SYNE1: variants seen among roughly 807,000 people sequenced by gnomAD.
SYNE1 encodes nesprin-1.
SYNE1 carries 616 observed loss-of-function variants against 1,111.0 expected under a neutral mutation model. That is an observed-to-expected ratio of 0.55 (90% CI 0.52 to 0.59). SYNE1 has a LOEUF of 0.59. Among genes scored for constraint, SYNE1 ranks in the 20% least tolerant of loss-of-function variants. The pLI, the probability that SYNE1 is intolerant of heterozygous loss-of-function variation, is 0.00. For missense variants in SYNE1, 10,006 were observed against 10,417.0 expected (o/e 0.96, Z 1.72); for synonymous variants, 3,855 against 3,825.8 (o/e 1.01, Z -0.28).
chr6:152,550,408 A>G (rs759569016), intron 3 of SYNE1, among the ~76,000 whole-genome samples: 1 of 152,130 alleles, frequency 6.6e-6, no homozygotes, highest in Non-Finnish European at 1.5e-5. Flanking sequence ...AAAATATTAC[A>G]ATTTACCAAA....
At chr6:152,492,792 T>C (rs1388689745) in intron 11 of SYNE1, among the ~76,000 whole-genome samples, 1 of 152,168 alleles carries the variant, frequency 6.6e-6, no homozygotes, top group Non-Finnish European at 1.5e-5. Context: ...ATACGGAGGC[T>C]ACCCACTCCA....
intron 12 of SYNE1, among the ~76,000 whole-genome samples, chr6:152,486,208 A>AT (rs879697226): frequency 1.0e-4 from 10 of 97,428 alleles, no homozygotes; most frequent in South Asian, 4.0e-4. Context: ...TAAAAAAAAT[A>AT]TTAAAAAAAA....
At chr6:152,145,762 C>T (rs568493713) in intron 137 of SYNE1, 26 of 534,964 alleles carry the variant, frequency 4.9e-5, no homozygotes, top group East Asian at 4.1e-4. Flanking sequence ...TGGTGGCTCA[C>T]GCCTGTAATC....
chr6:152,390,405 G>A lies in SYNE1; in HGVS notation c.8052C>T (p.Ala2684=). The A allele has an allele frequency of 6.2e-7, 1 of 1,614,050 alleles. No individual in the cohort carries two copies. The highest frequency in any genetic ancestry group is 8.5e-7 in the Non-Finnish European group (1 of 1,180,006). The change falls in exon 53 of 146, where the codon GCC becomes GCT. Residue 2684 remains alanine (A), a synonymous_variant. Transcript: ENST00000367255. ...TCAAGGCCTGTTCCCCCTTGCCAAT[G>A]GCCATATTCAACTTAACTTCCCCTT... ...KGEGEVKLNM[A]IGKGEQALRS... is the part of the protein sequence containing the mutation.
Position 152,148,230 on chromosome 6 carries a change from G to A in SYNE1, c.24791C>T (p.Pro8264Leu), listed in dbSNP as rs547256411. 3 of 1,613,936 alleles carry A rather than the reference G, an allele frequency of 1.9e-6. No individual in the cohort carries two copies. In the African/African-American group the frequency reaches 4.0e-5, roughly 22 times the overall value. ...TCGTCCTGACCGCTCGCTCCGGAGG[G>A]GCTGAGCGAGCGAGAGGGAGAGATT... ...SSNLSLSLAQ[P>L]LRSERSGRDT... is the part of the protein sequence containing the mutation. Residue 8264 changes from proline (P) to leucine (L), a missense_variant, in exon 137 of 146, where the codon CCC becomes CTC. Coordinates refer to ENST00000367255, the MANE Select transcript of SYNE1 (RefSeq NM_182961.4). The surrounding 1 kb of genome is among the most constrained non-coding windows in gnomAD (Gnocchi z 4.1).
At chr6:152,427,476 A>C in intron 38 of SYNE1, 1 of 615,160 alleles carries the variant, frequency 1.6e-6, no homozygotes, top group Admixed American at 2.9e-5. Flanking sequence ...ACATCATGGA[A>C]ATTGATCATC....
chr6:152,606,901 G>T (rs1169784555), intron 3 of SYNE1, among the ~76,000 whole-genome samples: 1 of 150,978 alleles, frequency 6.6e-6, no homozygotes, highest in African/African-American at 2.4e-5. Context: ...TGATCCACCT[G>T]CCTTGGCCTC....
chr6:152,600,337 T>C (rs2099593167), intron 3 of SYNE1, among the ~76,000 whole-genome samples: 1 of 152,196 alleles, frequency 6.6e-6, no homozygotes. Flanking sequence ...AAATGTATAA[T>C]CCAAACAATA....
chr6:152,347,114 G>T lies in SYNE1; in HGVS notation c.12023C>A (p.Ala4008Asp), dbSNP rs137985190. Residue 4008 changes from alanine (A) to aspartate (D), a missense_variant, in exon 73 of 146, where the codon GCT (alanine) becomes GAT (aspartate). Physicochemically the swap from Ala to Asp is moderately radical, Grantham distance 126. Coordinates refer to ENST00000367255, the MANE Select transcript of SYNE1 (RefSeq NM_182961.4). ...GCTGTCCTTTGTGCCCTGCAGATGAGCATGCACGTTTTGTTTAAGTTTCGC... is the reference window on the plus strand; with the variant it reads ...GCTGTCCTTTGTGCCCTGCAGATGATCATGCACGTTTTGTTTAAGTTTCGC... ...LQAKLKQNVH[A>D]HLQGTKDSYS... The T allele has an allele frequency of 3.9e-5, 63 of 1,614,186 alleles. No individual in the cohort carries two copies. In the African/African-American group the frequency reaches 7.5e-4, roughly 19 times the overall value.
Position 152,450,709 on chromosome 6 carries a change from G to C in SYNE1, c.3311C>G (p.Thr1104Ser). ...AATGGCAGCTCTGAGCTCTTTGAGA[G>C]TCACGTGACAGGTTCCAGGTGTGTC... Reference protein sequence around the residue: ...VRDTPGTCHVTLKELRAAIDS... With the variant: ...VRDTPGTCHVSLKELRAAIDS... Residue 1104 changes from threonine to serine, a missense_variant, in exon 27 of 146, where the codon ACT becomes AGT. Around this residue, in one of 7 missense-constraint regions of SYNE1, gnomAD observed 1,971 missense variants for 2,084.1 expected, o/e 0.95. Transcript: ENST00000367255. The C allele has an allele frequency of 6.2e-7, 1 of 1,614,146 alleles. No individual in the cohort carries two copies. Among genetic ancestry groups the C allele is most frequent in the Non-Finnish European group, 8.5e-7 (1 of 1,180,028 alleles).
intron 3 of SYNE1, among the ~76,000 whole-genome samples, chr6:152,563,266 C>A (rs1346602910): frequency 6.6e-6 from 1 of 152,128 alleles, no homozygotes; most frequent in African/African-American, 2.4e-5. Flanking sequence ...ACTCTCCTAG[C>A]AGCATTCTCC....
intron 12 of SYNE1, among the ~76,000 whole-genome samples, chr6:152,487,297 G>A (rs1453658394): frequency 2.6e-5 from 4 of 152,188 alleles, no homozygotes; most frequent in African/African-American, 9.7e-5. Flanking sequence ...AGAACACGCA[G>A]GGTTTGGTTT....
At chr6:152,581,312 A>G (rs1009135620) in intron 3 of SYNE1, among the ~76,000 whole-genome samples, 5 of 152,118 alleles carry the variant, frequency 3.3e-5, no homozygotes, top group African/African-American at 1.2e-4. Flanking sequence ...ATCAGCCACA[A>G]CCTTCAGCCT....
intron 3 of SYNE1, among the ~76,000 whole-genome samples, chr6:152,559,289 CAG>C (rs556663109): frequency 3.0e-4 from 45 of 151,862 alleles, no homozygotes; most frequent in Middle Eastern, 6.8e-3. Context: ...TTTGTAGAGA[CAG>C]GGTCTCACTG....
rs2098842055 is a variant in SYNE1, at chr6:152,477,526, T to C, written c.1351-5113A>G. Among the ~76,000 whole-genome samples the C allele has an allele frequency of 2.0e-5, 3 of 152,214 alleles. No homozygotes were observed. In the South Asian group the frequency reaches 6.2e-4, roughly 32 times the overall value. On this transcript the variant is annotated intron_variant, in intron 14 of 145. Transcript: ENST00000367255. ...GAATATGCTTGCCTGTTTGATGTCA[T>C]CTTTTCAATGAGGCTTCACTGACAA...
At position 152,425,393 on chromosome 6, in the gene SYNE1, A is replaced by T; in HGVS notation, c.5255T>A (p.Ile1752Asn). The change falls in exon 39 of 146, where the codon ATC (isoleucine) becomes AAC (asparagine). Residue 1752 changes from isoleucine (I) to asparagine (N), a missense_variant. Around this residue, in one of 7 missense-constraint regions of SYNE1, gnomAD observed 1,971 missense variants for 2,084.1 expected, o/e 0.95. Coordinates refer to ENST00000367255, the MANE Select transcript of SYNE1 (RefSeq NM_182961.4). ...TTTTAGAACCAACCTTTTGTTAATG[A>T]TCTGTGGTAAATCTCTCCATCTCTC... ...LDERWRDLPQIINKRINFLQS... is the reference protein window; with the variant it reads ...LDERWRDLPQNINKRINFLQS... The T allele has an allele frequency of 6.2e-7, 1 of 1,614,144 alleles. No individual in the cohort carries two copies. Among genetic ancestry groups the T allele is most frequent in the Non-Finnish European group, 8.5e-7 (1 of 1,179,978 alleles).
intron 16 of SYNE1, among the ~76,000 whole-genome samples, chr6:152,468,661 A>G (rs1442559340): frequency 6.6e-6 from 1 of 152,228 alleles, no homozygotes; most frequent in Admixed American, 6.5e-5. Context: ...CAGGACGGAT[A>G]AGTCTGAATT....
chr6:152,241,045 C>T (rs1018037967), intron 107 of SYNE1, among the ~76,000 whole-genome samples: 7 of 152,220 alleles, frequency 4.6e-5, no homozygotes, highest in African/African-American at 1.7e-4. Flanking sequence ...CTTGGCTGGA[C>T]TTCTCATGGC....
At chr6:152,198,984 T>TAAA (rs61232469) in intron 127 of SYNE1, among the ~76,000 whole-genome samples, 145 of 135,346 alleles carry the variant, frequency 1.1e-3, no homozygotes, top group African/African-American at 2.7e-3. Flanking sequence ...CTTCAATTTG[T>TAAA]AAAAAAAAAA....
Sources: allele counts gnomAD v4.1 joint callset (sites outside exome capture counted in the v4.1 genomes callset), GRCh38; gene constraint gnomAD v4.1.1; regional missense constraint gnomAD v4.1.1; non-coding constraint Gnocchi (gnomAD v3.1); transcripts MANE v1.5; gene names NCBI Gene and HGNC (gene_info 2026-07-23, HGNC 2026-07-21).